The following DRC1 variants were observed in gnomAD, a reference collection of about 807,000 sequenced individuals.
The protein encoded by DRC1 is dynein regulatory complex protein 1.
Under a neutral mutation model 98.7 loss-of-function variants are expected in DRC1, and 74 were observed. That is an observed-to-expected ratio of 0.75 (90% CI 0.62 to 0.91). The LOEUF is 0.91. Ranked by LOEUF, DRC1 falls within the 40% of genes least tolerant of loss-of-function variation. DRC1 has a pLI of 0.00. For synonymous variants in DRC1, 336 were observed against 334.1 expected (o/e 1.01, Z -0.06); for missense variants, 875 against 886.0 (o/e 0.99, Z 0.16).
intron 7 of DRC1, among the ~76,000 whole-genome samples, chr2:26,434,284 G>A (rs1034475941): frequency 2.6e-5 from 4 of 152,148 alleles, no homozygotes; most frequent in Non-Finnish European, 5.9e-5. Flanking sequence ...GAATAACAGA[G>A]CAAAGAGAAG....
At position 26,430,791 on chromosome 2, in the gene DRC1, A is replaced by G. The variant is rs751246954; in HGVS notation, c.684A>G (p.Ala228=). Residue 228 remains alanine (A), a synonymous_variant, in exon 6 of 17, where the codon GCA becomes GCG. Coordinates refer to ENST00000288710, the MANE Select transcript of DRC1 (RefSeq NM_145038.5). ...TTTTTCCTTCTTGGTCGTAGAAAGCATTTGAGGTGGAACGCCAAGAGCTAC... is the reference window on the plus strand; with the variant it reads ...TTTTTCCTTCTTGGTCGTAGAAAGCGTTTGAGGTGGAACGCCAAGAGCTAC... ...FREELYNIEK[A]FEVERQELLA... is the part of the protein sequence containing the mutation. 5.6e-6 allele frequency: 9 copies of G among 1,613,910 alleles called. No individual in the cohort carries two copies. The highest frequency in any genetic ancestry group is 1.6e-4 in the Middle Eastern group (1 of 6,084).
chr2:26,456,442 T>C lies in DRC1; in HGVS notation c.2167-19T>C. 9.3e-6 allele frequency: 15 copies of C among 1,614,050 alleles called. No homozygotes were observed. Among genetic ancestry groups the C allele is most frequent in the Non-Finnish European group, 1.3e-5 (15 of 1,179,930 alleles). On this transcript the variant is annotated intron_variant, in intron 16 of 16. Transcript: ENST00000288710. ...GGGCCCTGGGAAAAATGTAACGACT[T>C]TCACCCTTTCTTTTCCAGATCAACT...
chr2:26,429,898 T>A, intron 5 of DRC1, 133 bp downstream of exon 5: 1 of 953,922 alleles, frequency 1.0e-6, no homozygotes, highest in South Asian at 1.9e-5. Context: ...GCTCTCAGGT[T>A]TTATTAATTT....
At chr2:26,428,884 A>G (rs186834838) in intron 4 of DRC1, among the ~76,000 whole-genome samples, 5 of 152,184 alleles carry the variant, frequency 3.3e-5, no homozygotes, top group Non-Finnish European at 7.3e-5. Context: ...TATGCAGCAC[A>G]TGACCGTAGT....
At chr2:26,426,373 T>TA (rs1445975781) in intron 4 of DRC1, among the ~76,000 whole-genome samples, 9 of 151,250 alleles carry the variant, frequency 6.0e-5, no homozygotes, top group South Asian at 2.1e-4. Flanking sequence ...TTTGTTTATT[T>TA]TTTTTTTTTT....
intron 4 of DRC1, among the ~76,000 whole-genome samples, chr2:26,428,323 A>T (rs1157471945): frequency 6.6e-6 from 1 of 152,232 alleles, no homozygotes; most frequent in Non-Finnish European, 1.5e-5. Context: ...TGTTGTGAGA[A>T]CATCATAACA....
At chr2:26,409,079 A>G (rs1009272267) in intron 1 of DRC1, among the ~76,000 whole-genome samples, 2 of 150,880 alleles carry the variant, frequency 1.3e-5, no homozygotes, top group African/African-American at 4.9e-5. Context: ...CTACAGGTGC[A>G]GGCCACCATG....
Position 26,429,586 on chromosome 2 carries a change from C to T in DRC1, c.541-42C>T, listed in dbSNP as rs758509209. 4.4e-6 allele frequency: 7 copies of T among 1,606,360 alleles called. No individual in the cohort carries two copies. The South Asian group carries it at 7.8e-5, about 18-fold the overall frequency. On this transcript the variant is annotated intron_variant, in intron 4 of 16. Coordinates refer to ENST00000288710, the MANE Select transcript of DRC1 (RefSeq NM_145038.5). ...AGAGAGTGTTTGGCACCTTCTGCTC[C>T]TGACACAGTTTGTGGCCAGACTTTT...
intron 1 of DRC1, among the ~76,000 whole-genome samples, chr2:26,411,885 C>T (rs1678622882): frequency 6.6e-6 from 1 of 151,648 alleles, no homozygotes; most frequent in African/African-American, 2.4e-5. Flanking sequence ...GATCTTTGAT[C>T]CAGAAAGCAC....
intron 1 of DRC1, among the ~76,000 whole-genome samples, chr2:26,405,399 A>G (rs1572348371): frequency 6.6e-6 from 1 of 152,260 alleles, no homozygotes; most frequent in East Asian, 1.9e-4. Flanking sequence ...CTAATGAGGG[A>G]GATGGGAAAA....
intron 8 of DRC1, 86 bp downstream of exon 8, chr2:26,440,603 A>C: frequency 7.1e-7 from 1 of 1,417,934 alleles, no homozygotes; most frequent in Non-Finnish European, 9.3e-7. Context: ...TTGAAGGGGT[A>C]GAAACCATTA....
chr2:26,446,708 G>T (rs1201625404), intron 10 of DRC1, among the ~76,000 whole-genome samples: 1 of 152,104 alleles, frequency 6.6e-6, no homozygotes, highest in Admixed American at 6.5e-5. Context: ...ACCAACAAAT[G>T]ATTACTAAAG....
chr2:26,425,553 G>T (rs1175841737), intron 4 of DRC1, among the ~76,000 whole-genome samples: 1 of 152,078 alleles, frequency 6.6e-6, no homozygotes, highest in Non-Finnish European at 1.5e-5. Context: ...GTACACAAGG[G>T]TTCTAACTTC....
chr2:26,450,781 C>T, intron 13 of DRC1, 100 bp downstream of exon 13: 1 of 1,048,862 alleles, frequency 9.5e-7, no homozygotes, highest in East Asian at 3.4e-5. Flanking sequence ...GCAGAACATG[C>T]AGGTTTGTTA....
chr2:26,414,143 A>ATTG (rs1553340235), intron 1 of DRC1, among the ~76,000 whole-genome samples: 5 of 144,724 alleles, frequency 3.5e-5, no homozygotes, highest in Admixed American at 7.1e-5. Flanking sequence ...TATTATTATT[A>ATTG]TTGTTTTACA....
chr2:26,449,516 G>A (rs1447259473), intron 11 of DRC1, among the ~76,000 whole-genome samples: 2 of 152,218 alleles, frequency 1.3e-5, no homozygotes, highest in Admixed American at 6.5e-5. Flanking sequence ...AGCGGGCACC[G>A]CATCTGCTCA....
rs200065532 is a variant in DRC1, at chr2:26,420,763, CTTCT to C, written c.244-522_244-519del. 3.2e-3 allele frequency among the ~76,000 whole-genome samples: 465 copies of C among 146,030 alleles called. 21 individuals carry two copies. Among genetic ancestry groups the C allele is most frequent in the Admixed American group, 9.6e-4 (14 of 14,636 alleles). On this transcript the variant is annotated intron_variant, in intron 2 of 16. Transcript: ENST00000288710. ...TTTTTCTTTTTTCTTTCTTTTTCTT[CTTCT>C]TTTTTTTTTTTTCTGAGATAGGGTC...
rs770363645 is a variant in DRC1 at position 26,429,679 on chromosome 2, G to A, written c.592G>A (p.Asp198Asn). Residue 198 changes from aspartate (D) to asparagine (N), a missense_variant, in exon 5 of 17, where the codon GAT becomes AAT. Transcript: ENST00000288710. ...TGTGAAGGATTTGAAGAAACAGTCA[G>A]ATGACATCTGCCTGCTTCTGGAGCG... ...QYVKDLKKQS[D>N]DICLLLERME... is the part of the protein sequence containing the mutation. The A allele has an allele frequency of 2.5e-6, 4 of 1,614,074 alleles. No homozygotes were observed. The highest frequency in any genetic ancestry group is 2.2e-5 in the East Asian group (1 of 44,896).
chr2:26,429,065 G>A lies in DRC1; in HGVS notation c.541-563G>A, dbSNP rs147998647. Reference sequence around the variant, plus strand: ...TTGCAGCAGGTGATAACATTGAGGGGTTTGGTCCTGGGTGCTTGTTAAGAG... The same window carrying A: ...TTGCAGCAGGTGATAACATTGAGGGATTTGGTCCTGGGTGCTTGTTAAGAG... On this transcript the variant is annotated intron_variant, in intron 4 of 16. Coordinates refer to ENST00000288710, the MANE Select transcript of DRC1 (RefSeq NM_145038.5). Among the ~76,000 whole-genome samples, 22 of 152,210 alleles carry A rather than the reference G, an allele frequency of 1.4e-4. No homozygotes were observed. The East Asian group carries it at 3.5e-3, about 24-fold the overall frequency.
Sources: allele counts gnomAD v4.1 joint callset (sites outside exome capture counted in the v4.1 genomes callset), GRCh38; gene constraint gnomAD v4.1.1; transcripts MANE v1.5; gene names NCBI Gene and HGNC (gene_info 2026-07-23, HGNC 2026-07-21).